MGAT4C: variants seen among roughly 807,000 people sequenced by gnomAD.
MGAT4C encodes the protein MGAT4 family member C.
A neutral mutation model predicts 40.1 loss-of-function variants in MGAT4C; 19 were observed. That is an observed-to-expected ratio of 0.47 (90% CI 0.33 to 0.70). The LOEUF is 0.70. Ranked by LOEUF, MGAT4C falls within the 30% of genes least tolerant of loss-of-function variation. The probability of loss-of-function intolerance (pLI) is 0.02; values close to 1 mark genes in which losing one functional copy is unlikely to be tolerated. For missense variants in MGAT4C, 491 were observed against 563.2 expected, an observed-to-expected ratio of 0.87 and a Z score of 1.30; for synonymous variants, 181 against 187.1, an observed-to-expected ratio of 0.97 and a Z score of 0.27.
chr12:86,726,203 T>C (rs1950818694), intron 2 of MGAT4C, among the ~76,000 whole-genome samples: 6 of 152,228 alleles, frequency 3.9e-5, no homozygotes, highest in Non-Finnish European at 8.8e-5. Flanking sequence ...TATGTCTTCC[T>C]CCTAACATTT....
chr12:86,222,114 G>C (rs1008720418), intron 1 of MGAT4C, among the ~76,000 whole-genome samples: 1 of 152,160 alleles, frequency 6.6e-6, no homozygotes, highest in African/African-American at 2.4e-5. Context: ...TATAAAAACT[G>C]AAAATATAAG....
chr12:85,991,127 C>T (rs1885873226), intron 2 of MGAT4C, among the ~76,000 whole-genome samples: 1 of 152,150 alleles, frequency 6.6e-6, no homozygotes, highest in Admixed American at 6.5e-5. Context: ...GGTAGGTCCT[C>T]TCTGTAGACA....
intron 2 of MGAT4C, among the ~76,000 whole-genome samples, chr12:86,527,865 T>C (rs992085561): frequency 6.6e-6 from 1 of 152,152 alleles, no homozygotes; most frequent in African/African-American, 2.4e-5. Flanking sequence ...CACTCATATG[T>C]GGTAGCTAAA....
intron 1 of MGAT4C, among the ~76,000 whole-genome samples, chr12:86,185,290 A>C (rs2135882097): frequency 6.6e-6 from 1 of 152,274 alleles, no homozygotes; most frequent in Admixed American, 6.5e-5. Flanking sequence ...TTTGGTAAGT[A>C]ATTTAACCTT....
intron 2 of MGAT4C, among the ~76,000 whole-genome samples, chr12:86,540,736 C>CAAAAAGAGAG (rs534305789): frequency 5.4e-5 from 8 of 149,134 alleles, no homozygotes; most frequent in African/African-American, 2.0e-4. Flanking sequence ...ACTCCATCTC[C>CAAAAAGAGAG]AGAAAGAGAG....
At chr12:86,078,962 C>T (rs1250983019) in intron 1 of MGAT4C, among the ~76,000 whole-genome samples, 4 of 152,138 alleles carry the variant, frequency 2.6e-5, no homozygotes, top group Non-Finnish European at 4.4e-5. Context: ...TACAAGCAAA[C>T]AGTTAAACTC....
At chr12:86,147,197 A>G (rs1357068560) in intron 1 of MGAT4C, among the ~76,000 whole-genome samples, 2 of 152,216 alleles carry the variant, frequency 1.3e-5, no homozygotes, top group African/African-American at 4.8e-5. Context: ...TTCTAAGACT[A>G]GATGAGGTGA....
chr12:86,619,900 C>T (rs1312266126), intron 2 of MGAT4C, among the ~76,000 whole-genome samples: 2 of 152,126 alleles, frequency 1.3e-5, no homozygotes, highest in East Asian at 3.9e-4. Context: ...TAAAAATCCT[C>T]TGATAGTTAC....
At chr12:86,000,342 G>A (rs1389289704) in intron 2 of MGAT4C, among the ~76,000 whole-genome samples, 1 of 151,978 alleles carries the variant, frequency 6.6e-6, no homozygotes, top group East Asian at 1.9e-4. Context: ...TAGCCATACT[G>A]ATCAAGAAAA....
chr12:86,119,928 C>T lies in MGAT4C; in HGVS notation c.-56-70205G>A, dbSNP rs1592992673. On this transcript the variant is annotated intron_variant, in intron 1 of 4. Coordinates refer to ENST00000611864, the MANE Select transcript of MGAT4C (RefSeq NM_001351288.2). ...TCCAGGAGTGTGTCAAAAGGAAATG[C>T]CATTTGAATAATGTCACTATAGTAA... is the stretch of plus-strand genomic sequence containing the variant. Among the ~76,000 whole-genome samples the T allele has an allele frequency of 3.3e-5, 5 of 151,496 alleles. No individual in the cohort carries two copies. In the South Asian group the frequency reaches 8.4e-4, roughly 25 times the overall value.
chr12:86,442,445 C>CT lies in MGAT4C; in HGVS notation c.-228-7181dup, dbSNP rs573310468. Among the ~76,000 whole-genome samples the CT allele has an allele frequency of 6.2e-3, 946 of 152,212 alleles. 8 individuals carry two copies. Among genetic ancestry groups the CT allele is most frequent in the Non-Finnish European group, 9.5e-3 (644 of 68,028 alleles). ...ATGCCTATGTCCTGAATGGTATTGA[C>CT]TAAGTTTTTTTCTAGGGTTTTTATG... On this transcript the variant is annotated intron_variant, in intron 2 of 7. Transcript: ENST00000548651.
intron 3 of MGAT4C, among the ~76,000 whole-genome samples, chr12:86,339,716 A>G (rs558311947): frequency 2.0e-5 from 3 of 152,246 alleles, no homozygotes; most frequent in South Asian, 4.1e-4. Context: ...ATCTTATAGT[A>G]TATACACACA....
chr12:86,676,773 A>G (rs954801826), intron 2 of MGAT4C, among the ~76,000 whole-genome samples: 1 of 152,150 alleles, frequency 6.6e-6, no homozygotes, highest in Admixed American at 6.6e-5. Context: ...ATATCTACAT[A>G]AGAAAGATCT....
intron 3 of MGAT4C, among the ~76,000 whole-genome samples, chr12:86,346,346 T>C (rs1013684292): frequency 1.1e-4 from 16 of 152,118 alleles, no homozygotes; most frequent in African/African-American, 3.4e-4. Flanking sequence ...TGCATCAGTC[T>C]CCCAAGTAGC....
At chr12:86,661,622 G>A (rs1216503028) in intron 2 of MGAT4C, among the ~76,000 whole-genome samples, 1 of 152,074 alleles carries the variant, frequency 6.6e-6, no homozygotes, top group African/African-American at 2.4e-5. Flanking sequence ...TCTTTGAATG[G>A]GAGGTTGTCT....
At chr12:86,681,829 G>A (rs1424006163) in intron 2 of MGAT4C, among the ~76,000 whole-genome samples, 3 of 152,020 alleles carry the variant, frequency 2.0e-5, no homozygotes, top group Non-Finnish European at 4.4e-5. Flanking sequence ...TAGATTGGAA[G>A]TAAAAGCTAA....
At chr12:86,834,925 G>C (rs1177229959) in intron 1 of MGAT4C, among the ~76,000 whole-genome samples, 1 of 151,880 alleles carries the variant, frequency 6.6e-6, no homozygotes, top group Non-Finnish European at 1.5e-5. Context: ...GAATATGCTA[G>C]ATACTTTCCT....
chr12:86,706,026 T>C (rs1433543184), intron 2 of MGAT4C, among the ~76,000 whole-genome samples: 1 of 152,182 alleles, frequency 6.6e-6, no homozygotes, highest in Admixed American at 6.5e-5. Context: ...TTTGTTGTAA[T>C]GATCCTACAA....
At chr12:86,196,316 T>C (rs1256373435) in intron 1 of MGAT4C, among the ~76,000 whole-genome samples, 1 of 152,210 alleles carries the variant, frequency 6.6e-6, no homozygotes, top group Non-Finnish European at 1.5e-5. Flanking sequence ...TAATCCTCTT[T>C]GGTCTGATGC....
Sources: gnomAD v4.1 joint callset for allele counts (sites outside exome capture counted in the v4.1 genomes callset) on GRCh38, gnomAD v4.1.1 for gene constraint, MANE v1.5 for transcripts, NCBI Gene and HGNC (gene_info 2026-07-23, HGNC 2026-07-21) for gene names.